The following FAF1 variants were observed in gnomAD, a reference collection of about 807,000 sequenced individuals.
The protein encoded by FAF1 is Fas associated factor 1.
FAF1 carries 25 observed loss-of-function variants against 92.5 expected under a neutral mutation model. That is an observed-to-expected ratio of 0.27 (90% CI 0.20 to 0.38). The LOEUF is 0.38. Among genes scored for constraint, FAF1 ranks in the 10% least tolerant of loss-of-function variants. FAF1 has a pLI of 1.00. For synonymous variants in FAF1, 234 were observed against 273.2 expected, an observed-to-expected ratio of 0.86 and a Z score of 1.42; for missense variants, 636 against 793.3, an observed-to-expected ratio of 0.80 and a Z score of 2.38.
chr1:50,872,456 G>A (rs1644536466), intron 1 of FAF1, among the ~76,000 whole-genome samples: 1 of 152,194 alleles, frequency 6.6e-6, no homozygotes, highest in Non-Finnish European at 1.5e-5. Flanking sequence ...TTCTTGAGAT[G>A]AAAATCTACT....
At chr1:50,626,837 G>A (rs1022982171) in intron 8 of FAF1, among the ~76,000 whole-genome samples, 8 of 152,088 alleles carry the variant, frequency 5.3e-5, no homozygotes, top group Non-Finnish European at 1.2e-4. Context: ...ATCTTATATT[G>A]GGGTAGTGGC....
At chr1:50,579,939 C>T (rs531368282) in intron 12 of FAF1, among the ~76,000 whole-genome samples, 6 of 152,082 alleles carry the variant, frequency 3.9e-5, no homozygotes, top group African/African-American at 1.2e-4. Context: ...AGAGAATTAT[C>T]GTTAATTTTG....
At position 50,440,034 on chromosome 1, in the gene FAF1, A is replaced by C. The variant is rs1646153698; in HGVS notation, c.*1406T>G. On this transcript the variant is annotated 3_prime_UTR_variant, in exon 19 of 19. Transcript: ENST00000396153. ...AAGGAAAATGAGCAGACCTATCTCCAGCTTTGGTTAGAATCTTCTGAGAAC... is the reference window on the plus strand; with the variant it reads ...AAGGAAAATGAGCAGACCTATCTCCCGCTTTGGTTAGAATCTTCTGAGAAC... 2.0e-5 allele frequency: 3 copies of C among 152,222 alleles called. No homozygotes were observed. Among genetic ancestry groups the C allele is most frequent in the Admixed American group, 2.0e-4 (3 of 15,282 alleles). The allele number at this position is 152,222 out of a possible 1,614,324, so 9.4% of individuals were successfully genotyped here.
chr1:50,504,985 A>C (rs909278995), intron 15 of FAF1, among the ~76,000 whole-genome samples: 1 of 152,194 alleles, frequency 6.6e-6, no homozygotes, highest in South Asian at 2.1e-4. Context: ...ATGCAGATTA[A>C]ATTTTGAAAA....
At chr1:50,591,119 G>A (rs1472097763) in intron 9 of FAF1, among the ~76,000 whole-genome samples, 5 of 152,152 alleles carry the variant, frequency 3.3e-5, no homozygotes, top group Non-Finnish European at 5.9e-5. Flanking sequence ...TGTTGAAGTA[G>A]TTTTCTTCTA....
chr1:50,665,883 G>GA (rs1212431421), intron 7 of FAF1, among the ~76,000 whole-genome samples: 1 of 151,666 alleles, frequency 6.6e-6, no homozygotes, highest in Non-Finnish European at 1.5e-5. Context: ...TGTATGCACA[G>GA]AAAAAAGATC....
At chr1:50,520,034 T>TA (rs1356701975) in intron 15 of FAF1, among the ~76,000 whole-genome samples, 3 of 152,226 alleles carry the variant, frequency 2.0e-5, no homozygotes, top group Non-Finnish European at 4.4e-5. Flanking sequence ...AGCAAGTCCC[T>TA]AAAAAATGTG....
At chr1:50,881,156 T>G (rs190821463) in intron 1 of FAF1, among the ~76,000 whole-genome samples, 1 of 152,284 alleles carries the variant, frequency 6.6e-6, no homozygotes, top group East Asian at 1.9e-4. Flanking sequence ...ATTATTTTGC[T>G]AAAACTTAAA....
intron 7 of FAF1, among the ~76,000 whole-genome samples, chr1:50,673,329 G>T (rs57254915): frequency 0.066 from 10,067 of 152,164 alleles, 413 homozygotes; most frequent in East Asian, 0.091. Flanking sequence ...ATTTCCCAAT[G>T]GATGTATAAG....
At chr1:50,634,801 GAAAC>G (rs761715998) in intron 8 of FAF1, among the ~76,000 whole-genome samples, 1 of 152,144 alleles carries the variant, frequency 6.6e-6, no homozygotes, top group Non-Finnish European at 1.5e-5. Flanking sequence ...GGGCACTTTA[GAAAC>G]AAAGATGACT....
At chr1:50,752,829 C>T (rs1569885848) in intron 4 of FAF1, among the ~76,000 whole-genome samples, 1 of 152,052 alleles carries the variant, frequency 6.6e-6, no homozygotes, top group East Asian at 1.9e-4. Flanking sequence ...ACTACAGGTA[C>T]ACACCGCCAC....
intron 1 of FAF1, among the ~76,000 whole-genome samples, chr1:50,912,322 T>C (rs767048320): frequency 9.2e-5 from 14 of 152,210 alleles, no homozygotes; most frequent in Non-Finnish European, 1.6e-4. Context: ...TGTCTCAGAC[T>C]ACTGAATCAG....
intron 13 of FAF1, among the ~76,000 whole-genome samples, chr1:50,547,113 G>C (rs1030888988): frequency 6.6e-6 from 1 of 151,222 alleles, no homozygotes; most frequent in Non-Finnish European, 1.5e-5. Flanking sequence ...GGCTGGTCTT[G>C]AACTCATGGG....
At chr1:50,823,079 T>C (rs1358899875) in intron 2 of FAF1, among the ~76,000 whole-genome samples, 1 of 152,170 alleles carries the variant, frequency 6.6e-6, no homozygotes, top group Non-Finnish European at 1.5e-5. Flanking sequence ...CGGCCAAGGC[T>C]AGCAGTTTTA....
chr1:50,796,900 C>G (rs945959461), intron 3 of FAF1, among the ~76,000 whole-genome samples: 1 of 152,106 alleles, frequency 6.6e-6, no homozygotes, highest in African/African-American at 2.4e-5. Context: ...GAGGCCGAGG[C>G]AGGAGGATCA....
At chr1:50,955,376 G>A (rs1310711723) in intron 1 of FAF1, among the ~76,000 whole-genome samples, 1 of 152,210 alleles carries the variant, frequency 6.6e-6, no homozygotes, top group Admixed American at 6.5e-5. Flanking sequence ...GCTCTGGCCA[G>A]CAAGAACTGT....
At chr1:50,674,655 A>C in intron 7 of FAF1, among the ~76,000 whole-genome samples, 1 of 152,194 alleles carries the variant, frequency 6.6e-6, no homozygotes, top group East Asian at 1.9e-4. Context: ...GTTTTACTGC[A>C]TTATGACAGT....
intron 17 of FAF1, among the ~76,000 whole-genome samples, chr1:50,477,853 T>C (rs2149000458): frequency 6.6e-6 from 1 of 152,324 alleles, no homozygotes; most frequent in South Asian, 2.1e-4. Context: ...AGGGAAGGAA[T>C]AAACTAACAT....
At chr1:50,659,037 A>G (rs905453965) in intron 7 of FAF1, among the ~76,000 whole-genome samples, 1 of 152,244 alleles carries the variant, frequency 6.6e-6, no homozygotes, top group Admixed American at 6.5e-5. Context: ...AAAAATTGAA[A>G]TCATAATCCT....
Sources: gnomAD v4.1 joint callset for allele counts (sites outside exome capture counted in the v4.1 genomes callset) on GRCh38, gnomAD v4.1.1 for gene constraint, MANE v1.5 for transcripts, NCBI Gene and HGNC (gene_info 2026-07-23, HGNC 2026-07-21) for gene names.